The following EYS variants were observed in gnomAD, a reference collection of about 807,000 sequenced individuals.
EYS encodes the protein EGF-like photoreceptor maintenance factor.
EYS carries 250 observed loss-of-function variants against 282.1 expected under a neutral mutation model. The ratio of observed to expected loss-of-function variants is 0.89; its 90% CI spans 0.80 to 0.98. The LOEUF (loss-of-function observed/expected upper bound fraction) is 0.98. Ranked by LOEUF, EYS falls within the 50% of genes least tolerant of loss-of-function variation. EYS has a pLI of 0.00. For missense variants in EYS, 4,016 were observed against 3,709.0 expected (o/e 1.08, Z -2.15); for synonymous variants, 1,355 against 1,282.9 (o/e 1.06, Z -1.20).
At chr6:65,182,272 T>TA (rs1278313650) in intron 12 of EYS, among the ~76,000 whole-genome samples, 2 of 151,134 alleles carry the variant, frequency 1.3e-5, no homozygotes, top group African/African-American at 4.8e-5. Flanking sequence ...TGTTAAATGT[T>TA]AAAAGAAAAA....
intron 26 of EYS, among the ~76,000 whole-genome samples, chr6:64,526,251 A>G (rs1328281905): frequency 2.6e-5 from 4 of 151,740 alleles, no homozygotes; most frequent in Non-Finnish European, 5.9e-5. Flanking sequence ...TCGTGGTGAT[A>G]GGAATGTTTT....
chr6:63,968,698 C>T (rs913501062), intron 35 of EYS, among the ~76,000 whole-genome samples: 1 of 152,156 alleles, frequency 6.6e-6, no homozygotes, highest in African/African-American at 2.4e-5. Flanking sequence ...GACTCTCCTG[C>T]CAGATGACCC....
intron 33 of EYS, among the ~76,000 whole-genome samples, chr6:64,058,270 T>TA (rs35061217): frequency 0.11 from 15,355 of 141,982 alleles, 1,972 homozygotes; most frequent in African/African-American, 0.32. Context: ...TTAAACCTCT[T>TA]AAAAAAAAAA....
intron 13 of EYS, among the ~76,000 whole-genome samples, chr6:65,055,248 G>A (rs1773379348): frequency 6.6e-6 from 1 of 152,040 alleles, no homozygotes; most frequent in Admixed American, 6.6e-5. Context: ...CTCTCAATGT[G>A]CAGGGGCTAC....
chr6:65,615,397 T>C (rs1050762719), intron 2 of EYS, among the ~76,000 whole-genome samples: 1 of 146,904 alleles, frequency 6.8e-6, no homozygotes, highest in African/African-American at 2.5e-5. Context: ...TATATATATA[T>C]ATATGTGTGT....
intron 22 of EYS, among the ~76,000 whole-genome samples, chr6:64,781,374 A>C (rs866439638): frequency 6.6e-6 from 1 of 152,058 alleles, no homozygotes; most frequent in Non-Finnish European, 1.5e-5. Context: ...GAGGCTCACT[A>C]TGTTTAACGA....
At chr6:65,675,624 A>T (rs1004594050) in intron 1 of EYS, among the ~76,000 whole-genome samples, 1 of 151,844 alleles carries the variant, frequency 6.6e-6, no homozygotes, top group Non-Finnish European at 1.5e-5. Flanking sequence ...GCAGAACTGG[A>T]GTGAGATAGA....
intron 22 of EYS, among the ~76,000 whole-genome samples, chr6:64,668,650 G>A (rs940412365): frequency 7.4e-5 from 11 of 147,896 alleles, no homozygotes; most frequent in East Asian, 4.2e-4. Context: ...CCGCAAGCTC[G>A]GCCTTCTGGG....
intron 5 of EYS, among the ~76,000 whole-genome samples, chr6:65,444,256 A>G (rs1402219405): frequency 6.6e-6 from 1 of 152,046 alleles, no homozygotes; most frequent in Non-Finnish European, 1.5e-5. Context: ...CTTATCTTCA[A>G]TAAATCTTCC....
At chr6:64,024,074 T>A (rs1209650300) in intron 33 of EYS, among the ~76,000 whole-genome samples, 1 of 152,142 alleles carries the variant, frequency 6.6e-6, no homozygotes, top group Non-Finnish European at 1.5e-5. Flanking sequence ...CACCCCCTGC[T>A]CCACAGCGCC....
intron 1 of EYS, among the ~76,000 whole-genome samples, chr6:65,688,734 A>C (rs541699143): frequency 6.6e-6 from 1 of 152,320 alleles, no homozygotes; most frequent in East Asian, 1.9e-4. Flanking sequence ...GACACTTCTC[A>C]AAAGAAGACA....
chr6:64,683,455 G>A (rs9363096), intron 22 of EYS, among the ~76,000 whole-genome samples: 104,208 of 152,074 alleles, frequency 0.69, 36,740 homozygotes, highest in Middle Eastern at 0.78. Flanking sequence ...TGTATTATCT[G>A]AAATGAAAAA....
intron 22 of EYS, among the ~76,000 whole-genome samples, chr6:64,775,678 G>C (rs546809498): frequency 6.6e-6 from 1 of 151,924 alleles, no homozygotes; most frequent in South Asian, 2.1e-4. Flanking sequence ...TGGAAGTCAG[G>C]ACCACAGTAT....
intron 22 of EYS, among the ~76,000 whole-genome samples, chr6:64,656,801 A>G (rs1426469540): frequency 1.3e-5 from 2 of 152,194 alleles, no homozygotes; most frequent in African/African-American, 4.8e-5. Flanking sequence ...GCATGAAAGT[A>G]GTTTCTGAAA....
chr6:63,827,118 T>G (rs535097547), intron 36 of EYS, among the ~76,000 whole-genome samples: 1 of 152,012 alleles, frequency 6.6e-6, no homozygotes, highest in Non-Finnish European at 1.5e-5. Context: ...CGAGCAGGGG[T>G]AGCTATTCTT....
At chr6:63,823,509 T>C (rs1173311780) in intron 36 of EYS, among the ~76,000 whole-genome samples, 1 of 152,190 alleles carries the variant, frequency 6.6e-6, no homozygotes. Flanking sequence ...TCAAAGTTTG[T>C]TTGCAATGGA....
chr6:65,162,247 A>G (rs1159740019), intron 12 of EYS, among the ~76,000 whole-genome samples: 3 of 151,210 alleles, frequency 2.0e-5, no homozygotes, highest in Admixed American at 1.3e-4. Context: ...GGATTCTATG[A>G]GACAAGTGAC....
intron 29 of EYS, among the ~76,000 whole-genome samples, chr6:64,307,565 GA>G (rs35550936): frequency 0.017 from 2,633 of 152,084 alleles, 32 homozygotes; most frequent in Non-Finnish European, 0.026. Context: ...TGTGGGTGGG[GA>G]AAAAATGTGC....
At chr6:65,021,952 C>G (rs1376674720) in intron 13 of EYS, among the ~76,000 whole-genome samples, 1 of 152,180 alleles carries the variant, frequency 6.6e-6, no homozygotes, top group Non-Finnish European at 1.5e-5. Flanking sequence ...ACAAGAACAG[C>G]AGCATGGGGT....
Sources: allele counts gnomAD v4.1 joint callset (sites outside exome capture counted in the v4.1 genomes callset), GRCh38; gene constraint gnomAD v4.1.1; transcripts MANE v1.5; gene names NCBI Gene and HGNC (gene_info 2026-07-23, HGNC 2026-07-21).